The following OBSL1 variants were observed in gnomAD, a reference collection of about 807,000 sequenced individuals.
OBSL1 encodes obscurin-like protein 1.
A neutral mutation model predicts 172.0 loss-of-function variants in OBSL1; 160 were observed. That is an observed-to-expected ratio of 0.93 (90% CI 0.82 to 1.06). OBSL1 has a LOEUF of 1.06. OBSL1 is among the 50% of genes least tolerant of loss of function. OBSL1 has a pLI of 0.00. For synonymous variants in OBSL1, 1,200 were observed against 1,196.3 expected (o/e 1.00, Z -0.06); for missense variants, 2,681 against 2,715.4 (o/e 0.99, Z 0.28).
chr2:219,559,124 G>A (rs1342521676), intron 9 of OBSL1, 101 bp downstream of exon 9: 20 of 1,169,450 alleles, frequency 1.7e-5, no homozygotes, highest in East Asian at 2.4e-5. Context: ...GCTGGATAAG[G>A]GGAAGGCTGG....
rs1697275990 is a variant in OBSL1, at chr2:219,570,593, CGTT to C, written c.637_639del (p.Asn213del). Reference sequence around the variant, plus strand: ...GCCCCCGCCTGCGCGTGGCCGTGCGCGTTGCGGGCGTGGCACACGTAGACGCCG... The same window carrying C: ...GCCCCCGCCTGCGCGTGGCCGTGCGCGCGGGCGTGGCACACGTAGACGCCG... On this transcript the variant is annotated inframe_deletion, in exon 1 of 21. Transcript: ENST00000404537. 3.3e-6 allele frequency: 5 copies of C among 1,516,308 alleles called. No homozygotes were observed. Among genetic ancestry groups the C allele is most frequent in the Non-Finnish European group, 4.4e-6 (5 of 1,136,394 alleles). The allele number at this position is 1,516,308 out of a possible 1,614,324, so 93.9% of individuals were successfully genotyped here.
rs781382065 is a variant in OBSL1 at position 219,554,726 on chromosome 2, C to A, written c.4624G>T (p.Val1542Leu). Residue 1542 changes from valine (V) to leucine (L), a missense_variant, in exon 15 of 21, where the codon GTG (valine) becomes TTG (leucine). Physicochemically the swap from Val to Leu is conservative, Grantham distance 32. Around this residue, in one of 5 missense-constraint regions of OBSL1, gnomAD observed 1,765 missense variants for 1,748.3 expected, o/e 1.01. Transcript: ENST00000404537. ...GTCACGTCCTCCAGAGGCCGCAGCACCCTCAGCTGCCTCGCTGGCCGGGGG... is the reference window on the plus strand; with the variant it reads ...GTCACGTCCTCCAGAGGCCGCAGCAACCTCAGCTGCCTCGCTGGCCGGGGG... Reference protein sequence around the residue: ...RLSVRPRQLRVLRPLEDVTIS... With the variant: ...RLSVRPRQLRLLRPLEDVTIS... The A allele has an allele frequency of 6.4e-6, 10 of 1,555,326 alleles. No individual in the cohort carries two copies. The highest frequency in any genetic ancestry group is 8.7e-6 in the Non-Finnish European group (10 of 1,147,928).
At chr2:219,567,222 G>A (rs1696969331) in intron 4 of OBSL1, 51 bp downstream of exon 4, 1 of 1,557,832 alleles carries the variant, frequency 6.4e-7, no homozygotes, top group Non-Finnish European at 8.7e-7. Flanking sequence ...CAGCACTGAG[G>A]GCTGGGGAAG....
downstream of OBSL1, chr2:219,547,955 CG>C: frequency 6.3e-7 from 1 of 1,590,156 alleles, no homozygotes; most frequent in Non-Finnish European, 8.5e-7. Context: ...GGAGCGACTC[CG>C]GGCTGCTCCT....
At position 219,558,411 on chromosome 2, in the gene OBSL1, T is replaced by C. The variant is rs755507712; in HGVS notation, c.3275A>G (p.His1092Arg). ...VHPAARSLDL[H>R]FGAPGRVELR... Reference sequence around the variant, plus strand: ...CTCCACGCGCCCTGGAGCCCCAAAATGCAGATCCAGGGAGCGGGCTGCCGG... The same window carrying C: ...CTCCACGCGCCCTGGAGCCCCAAAACGCAGATCCAGGGAGCGGGCTGCCGG... The change falls in exon 10 of 21, where the codon CAT (histidine) becomes CGT (arginine). Residue 1092 changes from histidine (H) to arginine (R), a missense_variant. Coordinates refer to ENST00000404537, the MANE Select transcript of OBSL1 (RefSeq NM_015311.3). The C allele has an allele frequency of 1.6e-5, 26 of 1,602,430 alleles. No homozygotes were observed. The highest frequency in any genetic ancestry group is 2.3e-5 in the East Asian group (1 of 44,338).
At chr2:219,548,160 G>C, downstream of OBSL1, 1 of 1,314,384 alleles carries the variant, frequency 7.6e-7, no homozygotes, top group African/African-American at 1.5e-5. Context: ...ACTGGGGAGT[G>C]GGGGACAGCA....
chr2:219,552,949 G>A lies in OBSL1; in HGVS notation c.5065C>T (p.Arg1689Cys), dbSNP rs1219249314. ...GTCCCGGCGTCCGAGGGGCCGCAGC[G>A]TCGCAGCTGGAGAAGGCGGCGCGTG... ...LGTRRLLQLR[R>C]CGPSDAGTYS... Residue 1689 changes from arginine (R) to cysteine (C), a missense_variant, in exon 17 of 21, where the codon CGC (arginine) becomes TGC (cysteine). Arg to Cys is a radical substitution (Grantham distance 180). This residue lies in a region of OBSL1 where 1,765 missense variants were observed against 1,748.3 expected (regional missense o/e 1.01). Coordinates refer to ENST00000404537, the MANE Select transcript of OBSL1 (RefSeq NM_015311.3). The A allele has an allele frequency of 6.5e-7, 1 of 1,534,880 alleles. No individual in the cohort carries two copies. The highest frequency in any genetic ancestry group is 1.4e-5 in the African/African-American group (1 of 71,982).
At position 219,562,428 on chromosome 2, in the gene OBSL1, G is replaced by A. The variant is rs375182439; in HGVS notation, c.2927C>T (p.Ser976Leu). The change falls in exon 8 of 21, where the codon TCG (serine) becomes TTG (leucine). Residue 976 changes from serine (S) to leucine (L), a missense_variant. This residue lies in a region of OBSL1 where 1,765 missense variants were observed against 1,748.3 expected (regional missense o/e 1.01). Coordinates refer to ENST00000404537, the MANE Select transcript of OBSL1 (RefSeq NM_015311.3). ...TGTGACGGTGACAGTGAAGGAGGCC[G>A]ACTCATCGTCAATTTCACACAAGTA... ...GEYLCEIDDESASFTVTVTEP... is the reference protein window; with the variant it reads ...GEYLCEIDDELASFTVTVTEP... 23 of 1,613,792 alleles carry A rather than the reference G, an allele frequency of 1.4e-5. No homozygotes were observed. The highest frequency in any genetic ancestry group is 1.9e-5 in the Non-Finnish European group (23 of 1,179,810).
In OBSL1 at chr2:219,568,451, C is replaced by A; in HGVS notation, c.1013-127G>T. 1 of 927,222 alleles carries A rather than the reference C, an allele frequency of 1.1e-6. No individual in the cohort carries two copies. The allele number at this position is 927,222 out of a possible 1,614,324, so 57.4% of individuals were successfully genotyped here. A position where few individuals can be genotyped will look rare whatever the true frequency, so the allele number is the denominator to read the frequency against. ...GCAGAGCCAGCGGGCACTGTGGAAT[C>A]ACAGAAAACTACCAGAAGGGAAGTG... On this transcript the variant is annotated intron_variant, in intron 1 of 20. Transcript: ENST00000404537. This position sits in a 1 kb window ranked among gnomAD's most constrained non-coding sequence, Gnocchi z 4.1.
chr2:219,551,254 A>G (rs1333524190), intron 20 of OBSL1: 2 of 1,396,434 alleles, frequency 1.4e-6, no homozygotes, highest in African/African-American at 2.9e-5. Context: ...AAGAGAGACA[A>G]ACATGGTCCA....
In OBSL1 at chr2:219,557,449, G is replaced by A. The variant is rs769264218; in HGVS notation, c.3960C>T (p.Ala1320=). The A allele has an allele frequency of 2.8e-5, 44 of 1,548,600 alleles. No homozygotes were observed. The highest frequency in any genetic ancestry group is 3.7e-5 in the Non-Finnish European group (42 of 1,147,172). ...ASQGRVQLEQ[A]GARQVLRVQG... ...GCACCCGCAGCACCTGCCTGGCCCC[G>A]GCCTGCTCCAGCTGCACCCGCCCCT... The change falls in exon 12 of 21, where the codon GCC becomes GCT. Residue 1320 remains alanine, a synonymous_variant. Transcript: ENST00000404537.
chr2:219,551,133 G>A, intron 20 of OBSL1: 2 of 1,399,682 alleles, frequency 1.4e-6, no homozygotes, highest in East Asian at 2.7e-5. Context: ...GGAACTTGCT[G>A]AGATGGGCAG....
Position 219,566,898 on chromosome 2 carries a change from T to C in OBSL1, c.2066A>G (p.Gln689Arg). The C allele has an allele frequency of 5.6e-6, 9 of 1,608,802 alleles. No homozygotes were observed. The highest frequency in any genetic ancestry group is 7.7e-6 in the Non-Finnish European group (9 of 1,175,550). ...HRLILHAVKHQDSGALVGFSC... is the reference protein window; with the variant it reads ...HRLILHAVKHRDSGALVGFSC... ...GAAGCCGACCAGGGCACCGCTGTCC[T>C]GGTGCTTGACGGCATGCAGGATGAG... Residue 689 changes from glutamine to arginine, a missense_variant, in exon 5 of 21, where the codon CAG becomes CGG. This residue lies in a region of OBSL1 where 1,765 missense variants were observed against 1,748.3 expected (regional missense o/e 1.01). Transcript: ENST00000404537.
In OBSL1 at chr2:219,568,088, G is replaced by A. The variant is rs1216128741; in HGVS notation, c.1249C>T (p.Arg417Trp). 3.1e-6 allele frequency: 5 copies of A among 1,612,060 alleles called. No homozygotes were observed. The highest frequency in any genetic ancestry group is 1.6e-4 in the Middle Eastern group (1 of 6,080). ...DGIYLCEMRG[R>W]VRTVANVTVK... is the part of the protein sequence containing the mutation. ...GTGACGTTGGCCACGGTGCGCACCC[G>A]GCCCCGCATCTCGCACAGGTAGATA... The change falls in exon 2 of 21, where the codon CGG becomes TGG. Residue 417 changes from arginine to tryptophan, a missense_variant. Physicochemically the swap from Arg to Trp is moderately radical, Grantham distance 101. Coordinates refer to ENST00000404537, the MANE Select transcript of OBSL1 (RefSeq NM_015311.3). The surrounding 1 kb of genome is among the most constrained non-coding windows in gnomAD (Gnocchi z 4.1).
chr2:219,549,163 C>T (rs199837128), downstream of OBSL1: 23 of 1,613,916 alleles, frequency 1.4e-5, no homozygotes, highest in East Asian at 2.2e-5. Flanking sequence ...GGTCATCAGC[C>T]GGCAGCGCCG....
Position 219,570,271 on chromosome 2 carries a change from G to A in OBSL1, c.962C>T (p.Ala321Val), listed in dbSNP as rs750505464. The change falls in exon 1 of 21, where the codon GCG becomes GTG. Residue 321 changes from alanine to valine, a missense_variant. Ala to Val is a moderately conservative substitution (Grantham distance 64). Around this residue, in one of 5 missense-constraint regions of OBSL1, gnomAD observed 706 missense variants for 695.8 expected, o/e 1.01. Transcript: ENST00000404537. ...GAGCGTCTGGCCCGCCGAGTTGCGC[G>A]CGGCGCAGACGTAGAGCCCACGATC... Reference protein sequence around the residue: ...AKDRGLYVCAARNSAGQTLSA... With the variant: ...AKDRGLYVCAVRNSAGQTLSA... The A allele has an allele frequency of 1.7e-5, 27 of 1,600,562 alleles. No homozygotes were observed. Among genetic ancestry groups the A allele is most frequent in the Admixed American group, 3.4e-5 (2 of 59,418 alleles).
rs530116649 is a variant in OBSL1, at chr2:219,560,076, T to C, written c.2954-579A>G. On this transcript the variant is annotated intron_variant, in intron 8 of 20. Transcript: ENST00000404537. ...GGATCTACAATAGCAAACATTGATA[T>C]GACACTTCCTAAGGTCCAGGAACAG... 4.6e-5 allele frequency among the ~76,000 whole-genome samples: 7 copies of C among 152,366 alleles called. No homozygotes were observed. In the South Asian group the frequency reaches 1.2e-3, roughly 27 times the overall value.
At chr2:219,567,188 C>A in intron 4 of OBSL1, 62 bp from the exon 5 acceptor site, 2 of 1,572,910 alleles carry the variant, frequency 1.3e-6, no homozygotes, top group East Asian at 2.3e-5. Flanking sequence ...CAGAGGCTGG[C>A]GGATGGCAAG....
downstream of OBSL1, chr2:219,547,950 G>A (rs907885562): frequency 1.3e-5 from 20 of 1,591,700 alleles, no homozygotes; most frequent in African/African-American, 2.7e-5. Context: ...GTGGTGGAGC[G>A]ACTCCGGGCT....
Sources: gnomAD v4.1 joint callset for allele counts (sites outside exome capture counted in the v4.1 genomes callset) on GRCh38, gnomAD v4.1.1 for gene constraint, gnomAD v4.1.1 regional missense constraint, Gnocchi (gnomAD v3.1) non-coding constraint, MANE v1.5 for transcripts, NCBI Gene and HGNC (gene_info 2026-07-23, HGNC 2026-07-21) for gene names.